The following TTLL11 variants were observed in gnomAD, a reference collection of about 807,000 sequenced individuals.
TTLL11 encodes tubulin polyglutamylase TTLL11.
In TTLL11, 42 loss-of-function variants were observed where a neutral mutation model predicts 51.7. The ratio of observed to expected loss-of-function variants is 0.81; its 90% CI spans 0.64 to 1.05. TTLL11 has a LOEUF of 1.05. Ranked by LOEUF, TTLL11 falls within the 50% of genes least tolerant of loss-of-function variation. The pLI is 0.00. For synonymous variants in TTLL11, 381 were observed against 383.5 expected (o/e 0.99, Z 0.08); for missense variants, 799 against 940.4 (o/e 0.85, Z 1.97).
chr9:121,860,292 C>T, intron 8 of TTLL11, 45 bp downstream of exon 8: 1 of 1,454,964 alleles, frequency 6.9e-7, no homozygotes. Flanking sequence ...CCACCCATGC[C>T]TGTCAGGACC....
At chr9:122,003,476 TAC>T in intron 3 of TTLL11, among the ~76,000 whole-genome samples, 2 of 147,742 alleles carry the variant, frequency 1.4e-5, no homozygotes, top group Non-Finnish European at 3.0e-5. Context: ...GAAATATGCA[TAC>T]GTTCCTTTTT....
At position 121,853,840 on chromosome 9, in the gene TTLL11, G is replaced by A. The variant is rs1837739324; in HGVS notation, c.1840+6497C>T. Among the ~76,000 whole-genome samples, 1 of 152,214 alleles carries A rather than the reference G, an allele frequency of 6.6e-6. No individual in the cohort carries two copies. The highest frequency in any genetic ancestry group is 1.5e-5 in the Non-Finnish European group (1 of 68,036). On this transcript the variant is annotated intron_variant, in intron 8 of 8. Transcript: ENST00000321582. The surrounding 1 kb of genome is among the most constrained non-coding windows in gnomAD (Gnocchi z 5.6). ...CCTGACCCTCTCATCTGGCTGTGAG[G>A]CAGGCCCTTCTTCCCATCTCTGTCC...
chr9:121,859,753 C>T (rs79554847), intron 8 of TTLL11, among the ~76,000 whole-genome samples: 2,157 of 152,318 alleles, frequency 0.014, 66 homozygotes, highest in African/African-American at 0.05. Flanking sequence ...AGCTCAACAG[C>T]CTCACCTGTG....
chr9:121,894,103 T>G (rs1456653365), intron 6 of TTLL11, among the ~76,000 whole-genome samples: 1 of 152,126 alleles, frequency 6.6e-6, no homozygotes, highest in Non-Finnish European at 1.5e-5. Context: ...ACATGTGACA[T>G]CTCTCTCCTA....
intron 6 of TTLL11, among the ~76,000 whole-genome samples, chr9:121,961,158 C>T (rs940678818): frequency 6.6e-6 from 1 of 152,110 alleles, no homozygotes; most frequent in African/African-American, 2.4e-5. Flanking sequence ...CAAGTCCATC[C>T]TCACGGTCGA....
intron 6 of TTLL11, among the ~76,000 whole-genome samples, chr9:121,925,482 G>A (rs1840696502): frequency 7.4e-6 from 1 of 135,784 alleles, no homozygotes; most frequent in East Asian, 2.4e-4. Context: ...CATCAGGCCT[G>A]TTCATGGCTC....
At chr9:121,854,445 G>A (rs955169832) in intron 8 of TTLL11, among the ~76,000 whole-genome samples, 4 of 152,156 alleles carry the variant, frequency 2.6e-5, no homozygotes, top group African/African-American at 4.8e-5. Flanking sequence ...TTGCTCTCAT[G>A]TTCCCTTTGG....
At chr9:121,835,885 G>A (rs989410317) in intron 8 of TTLL11, among the ~76,000 whole-genome samples, 2 of 152,182 alleles carry the variant, frequency 1.3e-5, no homozygotes, top group Admixed American at 1.3e-4. Context: ...GAGATTAATG[G>A]CTCCTATAGA....
chr9:121,826,416 T>TTA (rs896049166), intron 8 of TTLL11, among the ~76,000 whole-genome samples: 1 of 137,924 alleles, frequency 7.3e-6, no homozygotes. Context: ...TATATATGGG[T>TTA]TATATATATG....
At position 121,816,976 on chromosome 9, in the gene TTLL11, A is replaced by G. The variant is rs1836430581; in HGVS notation, c.*5611T>C. 6.6e-6 allele frequency: 1 copy of G among 152,224 alleles called. No individual in the cohort carries two copies. The highest frequency in any genetic ancestry group is 2.4e-5 in the African/African-American group (1 of 41,450). 9.4% of individuals were successfully genotyped at this position (152,224 alleles called of 1,614,324 possible). A position where few individuals can be genotyped will look rare whatever the true frequency, so the allele number is the denominator to read the frequency against. On this transcript the variant is annotated 3_prime_UTR_variant, in exon 9 of 9. Transcript: ENST00000321582. The stretch of plus-strand genomic sequence containing the variant: ...ATCAAGGTGAGGTGGATTTCAGGTT[A>G]ATACACACGGTGGTGAATGATCCCT...
chr9:121,842,084 G>C (rs1322365841), intron 8 of TTLL11, among the ~76,000 whole-genome samples: 1 of 152,102 alleles, frequency 6.6e-6, no homozygotes, highest in East Asian at 1.9e-4. Flanking sequence ...ATCTCAAAAA[G>C]GAATGTGTCT....
At chr9:121,839,446 G>T (rs1260957018) in intron 8 of TTLL11, among the ~76,000 whole-genome samples, 1 of 152,154 alleles carries the variant, frequency 6.6e-6, no homozygotes, top group African/African-American at 2.4e-5. Context: ...TCACTGCCCA[G>T]CTGGGAGCCT....
intron 6 of TTLL11, among the ~76,000 whole-genome samples, chr9:121,948,589 G>A (rs1345261032): frequency 1.3e-5 from 2 of 152,128 alleles, no homozygotes; most frequent in African/African-American, 4.8e-5. Flanking sequence ...TCCTTGTAAT[G>A]ACTGGATGAG....
intron 1 of TTLL11, among the ~76,000 whole-genome samples, chr9:122,065,871 T>C (rs73662580): frequency 0.05 from 7,609 of 152,240 alleles, 399 homozygotes; most frequent in Admixed American, 0.12. Flanking sequence ...ACTGTACTAA[T>C]ATGTAATCAG....
chr9:121,914,471 A>T (rs1840250670), intron 6 of TTLL11, among the ~76,000 whole-genome samples: 1 of 152,208 alleles, frequency 6.6e-6, no homozygotes, highest in Admixed American at 6.5e-5. Context: ...AGTTTCAAGG[A>T]GCTTAAAATC....
intron 4 of TTLL11, among the ~76,000 whole-genome samples, chr9:121,985,517 T>C (rs1485234947): frequency 7.1e-6 from 1 of 140,860 alleles, no homozygotes; most frequent in Non-Finnish European, 1.5e-5. Flanking sequence ...TCTTTTCTTT[T>C]TTTTTTTTTT....
chr9:122,070,812 C>T (rs1266610630), intron 1 of TTLL11, among the ~76,000 whole-genome samples: 3 of 152,146 alleles, frequency 2.0e-5, no homozygotes, highest in African/African-American at 7.2e-5. Flanking sequence ...AGAGGGGTTC[C>T]TACCTTCGGG....
chr9:121,815,976 C>G lies in TTLL11; in HGVS notation c.*6611G>C, dbSNP rs1295241813. On this transcript the variant is annotated 3_prime_UTR_variant, in exon 9 of 9. Transcript: ENST00000321582. Reference sequence around the variant, plus strand: ...TCCTGGCATCCGTCTTGTTTCCGCACGTCGAGACCCTTCCTTTTCTCGACA... The same window carrying G: ...TCCTGGCATCCGTCTTGTTTCCGCAGGTCGAGACCCTTCCTTTTCTCGACA... The G allele has an allele frequency of 1.3e-5, 2 of 152,158 alleles. No homozygotes were observed. Among genetic ancestry groups the G allele is most frequent in the African/African-American group, 2.4e-5 (1 of 41,420 alleles). 9.4% of individuals were successfully genotyped at this position (152,158 alleles called of 1,614,324 possible). A position where few individuals can be genotyped will look rare whatever the true frequency, so the allele number is the denominator to read the frequency against.
rs1042081903 is a variant in TTLL11 at position 122,062,798 on chromosome 9, G to A, written c.463-23430C>T. ...ATTAACTTTCCCCAGATTTTTTTAA[G>A]AGATGGAGTCTCACTCTATTAGCCA... is the stretch of plus-strand genomic sequence containing the variant. On this transcript the variant is annotated intron_variant, in intron 1 of 8. Coordinates refer to ENST00000321582, the MANE Select transcript of TTLL11 (RefSeq NM_001139442.2). Among the ~76,000 whole-genome samples, 192 of 151,918 alleles carry A rather than the reference G, an allele frequency of 1.3e-3. 2 individuals are homozygous for A. Among genetic ancestry groups the A allele is most frequent in the Non-Finnish European group, 3.7e-4 (25 of 67,966 alleles).
Sources: gnomAD v4.1 joint callset for allele counts (sites outside exome capture counted in the v4.1 genomes callset) on GRCh38, gnomAD v4.1.1 for gene constraint, Gnocchi (gnomAD v3.1) non-coding constraint, MANE v1.5 for transcripts, NCBI Gene and HGNC (gene_info 2026-07-23, HGNC 2026-07-21) for gene names.